Variants in PCDHGB2 observed in about 807,000 individuals in gnomAD.
PCDHGB2 encodes the protein protocadherin gamma-B2.
PCDHGB2 carries 55 observed loss-of-function variants against 59.3 expected under a neutral mutation model. The observed-to-expected ratio is 0.93, with a 90% CI of 0.75 to 1.16. The LOEUF is 1.16. Among genes scored for constraint, PCDHGB2 ranks in the 50% most tolerant of loss-of-function variants. The pLI is 0.00. For missense variants in PCDHGB2, 1,228 were observed against 1,198.5 expected, an observed-to-expected ratio of 1.02 and a Z score of -0.36; for synonymous variants, 516 against 512.0, an observed-to-expected ratio of 1.01 and a Z score of -0.11.
At chr5:141,394,789 C>A (rs747304715) in intron 1 of PCDHGB2, 1 of 1,613,728 alleles carries the variant, frequency 6.2e-7, no homozygotes, top group South Asian at 1.1e-5. Context: ...GCCACTGTCA[C>A]GCTCACCGTA....
chr5:141,502,126 A>C (rs2154593060), intron 2 of PCDHGB2, among the ~76,000 whole-genome samples: 1 of 152,252 alleles, frequency 6.6e-6, no homozygotes, highest in South Asian at 2.1e-4. Flanking sequence ...AGGCCCACAG[A>C]GCTCAGTCGG....
At position 141,432,325 on chromosome 5, in the gene PCDHGB2, C is replaced by T. The variant is rs752180978; in HGVS notation, c.2422-62482C>T. ...TGTATGCGCTGAGCTCCTTCGACTACGAGCAGTTCCGAGACTTGCAAGTGA... is the reference window on the plus strand; with the variant it reads ...TGTATGCGCTGAGCTCCTTCGACTATGAGCAGTTCCGAGACTTGCAAGTGA... On this transcript the variant is annotated intron_variant, in intron 1 of 3. Coordinates refer to ENST00000522605, the MANE Select transcript of PCDHGB2 (RefSeq NM_018923.3). The surrounding 1 kb of genome is among the most constrained non-coding windows in gnomAD (Gnocchi z 6.0). 68 of 1,614,142 alleles carry T rather than the reference C, an allele frequency of 4.2e-5. No individual in the cohort carries two copies. Among genetic ancestry groups the T allele is most frequent in the Non-Finnish European group, 5.2e-5 (61 of 1,180,050 alleles).
intron 1 of PCDHGB2, chr5:141,392,765 C>T (rs952463522): frequency 2.7e-6 from 4 of 1,482,974 alleles, no homozygotes; most frequent in Admixed American, 5.1e-5. Flanking sequence ...TAAATAAGAC[C>T]CATTTATGCA....
chr5:141,415,906 A>G, intron 1 of PCDHGB2: 1 of 784,990 alleles, frequency 1.3e-6, no homozygotes, highest in Non-Finnish European at 1.8e-6. Context: ...ACAGACTTCC[A>G]TACAGAAGTG....
chr5:141,403,229 G>C, intron 1 of PCDHGB2: 1 of 1,613,950 alleles, frequency 6.2e-7, no homozygotes, highest in Non-Finnish European at 8.5e-7. Flanking sequence ...GATAGACCGG[G>C]AGGAGCTCTG....
chr5:141,403,717 G>GC (rs1561689685), intron 1 of PCDHGB2: 2 of 1,613,936 alleles, frequency 1.2e-6, no homozygotes, highest in South Asian at 2.2e-5. Flanking sequence ...TTGAGAACGT[G>GC]CCCCCAGGCA....
At position 141,360,986 on chromosome 5, in the gene PCDHGB2, T is replaced by C. The variant is rs540455461; in HGVS notation, c.851T>C (p.Val284Ala). 1.9e-6 allele frequency: 3 copies of C among 1,613,732 alleles called. No homozygotes were observed. In the South Asian group the frequency reaches 3.3e-5, roughly 18 times the overall value. The change falls in exon 1 of 4, where the codon GTG becomes GCG. Residue 284 changes from valine (V) to alanine (A), a missense_variant. Transcript: ENST00000522605. ...NAEITYSFHN[V>A]DEQVKHFFNL... ...GAGATCACCTACTCCTTTCATAATG[T>C]GGACGAACAAGTGAAACACTTTTTC... is the stretch of plus-strand genomic sequence containing the variant.
In PCDHGB2 at chr5:141,432,487, G is replaced by A; in HGVS notation, c.2422-62320G>A. On this transcript the variant is annotated intron_variant, in intron 1 of 3. Coordinates refer to ENST00000522605, the MANE Select transcript of PCDHGB2 (RefSeq NM_018923.3). This position sits in a 1 kb window ranked among gnomAD's most constrained non-coding sequence, Gnocchi z 6.0. ...CCACGGACGGTTCCACTGGCGTGGA[G>A]CTGGCTCCCCGCTCCGCAGAGCCCG... 1.2e-6 allele frequency: 2 copies of A among 1,614,208 alleles called. No homozygotes were observed. The highest frequency in any genetic ancestry group is 2.2e-5 in the East Asian group (1 of 44,874).
chr5:141,494,434 T>A (rs976526647), intron 1 of PCDHGB2, among the ~76,000 whole-genome samples: 2 of 152,166 alleles, frequency 1.3e-5, no homozygotes, highest in Middle Eastern at 3.2e-3. Flanking sequence ...AAAAGCCTCC[T>A]TTGCCACTTT....
chr5:141,403,040 C>CA (rs1195249780), intron 1 of PCDHGB2: 1 of 1,613,950 alleles, frequency 6.2e-7, no homozygotes, highest in Non-Finnish European at 8.5e-7. Flanking sequence ...CAGGGCCAGT[C>CA]AGATTCGCTA....
chr5:141,377,969 A>G (rs1165356824), intron 1 of PCDHGB2: 1 of 152,202 alleles, frequency 6.6e-6, no homozygotes, highest in African/African-American at 2.4e-5. Context: ...ACTTGAATCT[A>G]TGTTCCTGGG....
Position 141,487,298 on chromosome 5 carries a change from G to T in PCDHGB2, c.2422-7509G>T. 6.2e-7 allele frequency: 1 copy of T among 1,614,072 alleles called. No individual in the cohort carries two copies. Among genetic ancestry groups the T allele is most frequent in the Non-Finnish European group, 8.5e-7 (1 of 1,180,018 alleles). ...TTGCTTTGTCTCCTTTGGCTCATTC[G>T]TGGCACTACTCTCTAAGTGTCTTCG... On this transcript the variant is annotated intron_variant, in intron 1 of 3. Coordinates refer to ENST00000522605, the MANE Select transcript of PCDHGB2 (RefSeq NM_018923.3). This position sits in a 1 kb window ranked among gnomAD's most constrained non-coding sequence, Gnocchi z 5.0.
chr5:141,404,215 G>A, intron 1 of PCDHGB2: 1 of 1,613,346 alleles, frequency 6.2e-7, no homozygotes, highest in Non-Finnish European at 8.5e-7. Context: ...ATAATATCAC[G>A]GTGACTGCAA....
In PCDHGB2 at chr5:141,361,685, A is replaced by G. The variant is rs1554077900; in HGVS notation, c.1550A>G (p.Gln517Arg). The G allele has an allele frequency of 9.3e-6, 15 of 1,613,570 alleles. No homozygotes were observed. The highest frequency in any genetic ancestry group is 1.2e-5 in the Non-Finnish European group (14 of 1,179,902). The change falls in exon 1 of 4, where the codon CAG (glutamine) becomes CGG (arginine). Residue 517 changes from glutamine to arginine, a missense_variant. Physicochemically the swap from Gln to Arg is conservative, Grantham distance 43. Transcript: ENST00000522605. ...GCGCAGAGCGGGGTGGTGTTCGCGC[A>G]GCGCGCCTTCGATCATGAGCAGCTG... is the stretch of plus-strand genomic sequence containing the variant. The part of the protein sequence containing the change: ...VSAQSGVVFA[Q>R]RAFDHEQLRA...
chr5:141,382,310 C>T (rs1423976376), intron 1 of PCDHGB2, among the ~76,000 whole-genome samples: 1 of 152,178 alleles, frequency 6.6e-6, no homozygotes, highest in African/African-American at 2.4e-5. Flanking sequence ...AATTTATATA[C>T]ACTGATGTAA....
chr5:141,410,414 G>A lies in PCDHGB2; in HGVS notation c.2421+47858G>A, dbSNP rs201698858. On this transcript the variant is annotated intron_variant, in intron 1 of 3. Coordinates refer to ENST00000522605, the MANE Select transcript of PCDHGB2 (RefSeq NM_018923.3). ...TGGTCTCTGTGTCAAGTCTGGACCT[G>A]TAGTTCCCCCCAACTACAGTGAGGG... 2.0e-4 allele frequency: 326 copies of A among 1,613,916 alleles called. 1 individual carries two copies. The highest frequency in any genetic ancestry group is 2.7e-4 in the Non-Finnish European group (315 of 1,179,910).
At chr5:141,470,585 G>A (rs2099233788) in intron 1 of PCDHGB2, among the ~76,000 whole-genome samples, 1 of 152,188 alleles carries the variant, frequency 6.6e-6, no homozygotes, top group African/African-American at 2.4e-5. Flanking sequence ...AACTTCATAG[G>A]CAGGCGACCT....
chr5:141,499,150 T>C (rs1424635509), intron 2 of PCDHGB2, among the ~76,000 whole-genome samples: 5 of 152,180 alleles, frequency 3.3e-5, no homozygotes, highest in Non-Finnish European at 1.5e-5. Context: ...CTGATCCCAA[T>C]AGCTGTTGTC....
intron 1 of PCDHGB2, chr5:141,433,292 C>A: frequency 9.2e-7 from 1 of 1,082,526 alleles, no homozygotes; most frequent in South Asian, 1.6e-5. Context: ...CTCCTAGGCT[C>A]AAGCAATTAT....
Sources: allele counts gnomAD v4.1 joint callset (sites outside exome capture counted in the v4.1 genomes callset), GRCh38; gene constraint gnomAD v4.1.1; non-coding constraint Gnocchi (gnomAD v3.1); transcripts MANE v1.5; gene names NCBI Gene and HGNC (gene_info 2026-07-23, HGNC 2026-07-21).